The following PTPRD variants were observed in gnomAD, a reference collection of about 807,000 sequenced individuals.
PTPRD encodes receptor-type tyrosine-protein phosphatase delta.
In PTPRD, 34 loss-of-function variants were observed where a neutral mutation model predicts 214.5. The observed-to-expected ratio is 0.16, with a 90% CI of 0.12 to 0.21. The LOEUF (loss-of-function observed/expected upper bound fraction) is 0.21, where lower values mean the gene tolerates loss of function less well. Among genes scored for constraint, PTPRD ranks in the 10% least tolerant of loss-of-function variants. The pLI is 1.00. For missense variants in PTPRD, 2,545 were observed against 2,398.7 expected (o/e 1.06, Z -1.27); for synonymous variants, 1,128 against 845.7 (o/e 1.33, Z -5.79).
chr9:8,885,268 G>A (rs889392310), intron 11 of PTPRD, among the ~76,000 whole-genome samples: 2 of 152,070 alleles, frequency 1.3e-5, no homozygotes, highest in African/African-American at 4.8e-5. Flanking sequence ...TATAGATGAG[G>A]ATTAGGGTGA....
At chr9:9,404,457 GA>G (rs1025936905) in intron 8 of PTPRD, among the ~76,000 whole-genome samples, 4 of 151,772 alleles carry the variant, frequency 2.6e-5, no homozygotes, top group Admixed American at 1.3e-4. Flanking sequence ...AGTAATGAGT[GA>G]AAAAAAGATA....
intron 7 of PTPRD, among the ~76,000 whole-genome samples, chr9:9,711,944 G>T (rs376392597): frequency 6.4e-4 from 97 of 152,236 alleles, no homozygotes; most frequent in African/African-American, 2.2e-3. Context: ...TAAGCCAACA[G>T]CATCTCCCTG....
At chr9:8,838,331 G>GAA (rs112647473) in intron 11 of PTPRD, among the ~76,000 whole-genome samples, 12 of 150,890 alleles carry the variant, frequency 8.0e-5, no homozygotes, top group East Asian at 3.9e-4. Context: ...GACAAATTTG[G>GAA]AAAAAAAAAT....
chr9:10,536,360 T>C (rs1284861096), intron 2 of PTPRD, among the ~76,000 whole-genome samples: 1 of 152,142 alleles, frequency 6.6e-6, no homozygotes, highest in Non-Finnish European at 1.5e-5. Context: ...GCCTTAAAGC[T>C]TTTCTCCTTG....
chr9:9,135,637 A>G (rs2099849677), intron 10 of PTPRD, among the ~76,000 whole-genome samples: 2 of 152,214 alleles, frequency 1.3e-5, no homozygotes, highest in Non-Finnish European at 2.9e-5. Flanking sequence ...TACTAAGGAA[A>G]TGCTTAGTAA....
chr9:9,738,246 GT>G (rs2098335355), intron 6 of PTPRD, among the ~76,000 whole-genome samples: 1 of 151,930 alleles, frequency 6.6e-6, no homozygotes, highest in South Asian at 2.1e-4. Flanking sequence ...AAAACTTAAA[GT>G]ATGATAAAAA....
intron 8 of PTPRD, among the ~76,000 whole-genome samples, chr9:9,445,524 G>C (rs190791726): frequency 6.2e-4 from 94 of 152,192 alleles, no homozygotes; most frequent in Admixed American, 3.2e-3. Context: ...TGCATGGCTG[G>C]GAAGACCTCA....
chr9:10,236,928 G>C (rs1032431851), intron 3 of PTPRD, among the ~76,000 whole-genome samples: 1 of 151,646 alleles, frequency 6.6e-6, no homozygotes, highest in Non-Finnish European at 1.5e-5. Flanking sequence ...ATTCTTTGGT[G>C]GGGGGGCTGA....
Position 8,332,497 on chromosome 9 carries a change from A to C in PTPRD, c.5380-761T>G, listed in dbSNP as rs763991956. Among the ~76,000 whole-genome samples, 18 of 152,164 alleles carry C rather than the reference A, an allele frequency of 1.2e-4. 1 individual carries two copies. Among genetic ancestry groups the C allele is most frequent in the Non-Finnish European group, 1.5e-5 (1 of 68,038 alleles). On this transcript the variant is annotated intron_variant, in intron 43 of 45. Coordinates refer to ENST00000381196, the MANE Select transcript of PTPRD (RefSeq NM_002839.4). ...AGAGCTCTCCCTGGCTGACCACAGG[A>C]ATTAACAGTCTGTGGAGAGCTTTAA...
intron 35 of PTPRD, among the ~76,000 whole-genome samples, chr9:8,414,674 G>A (rs1054699474): frequency 4.6e-5 from 7 of 151,902 alleles, no homozygotes; most frequent in African/African-American, 1.4e-4. Context: ...CTGTCCCAGC[G>A]TAGTTATTAA....
At chr9:10,595,886 G>C (rs2076523278) in intron 2 of PTPRD, among the ~76,000 whole-genome samples, 1 of 151,712 alleles carries the variant, frequency 6.6e-6, no homozygotes, top group East Asian at 1.9e-4. Flanking sequence ...CAATAAGATT[G>C]TCAAGTGTAT....
intron 2 of PTPRD, among the ~76,000 whole-genome samples, chr9:10,379,110 T>C (rs575757261): frequency 6.6e-6 from 1 of 152,094 alleles, no homozygotes; most frequent in East Asian, 1.9e-4. Flanking sequence ...AATTTCTTTT[T>C]TCAGATCAGT....
chr9:9,124,019 G>A (rs74356908), intron 10 of PTPRD, among the ~76,000 whole-genome samples: 1,521 of 152,090 alleles, frequency 0.01, 15 homozygotes, highest in Middle Eastern at 0.044. Context: ...GGTGGGGGAG[G>A]GAGGTTAAGT....
chr9:10,385,962 T>C (rs2097906790), intron 2 of PTPRD, among the ~76,000 whole-genome samples: 1 of 151,904 alleles, frequency 6.6e-6, no homozygotes, highest in African/African-American at 2.4e-5. Flanking sequence ...TAAAACAGCA[T>C]CTTTTGAACA....
chr9:8,561,003 A>G (rs1319952969), intron 14 of PTPRD, among the ~76,000 whole-genome samples: 1 of 152,010 alleles, frequency 6.6e-6, no homozygotes, highest in Non-Finnish European at 1.5e-5. Flanking sequence ...CAGATGGGGC[A>G]GGATCCCCTT....
At chr9:9,673,959 T>C (rs892976422) in intron 7 of PTPRD, among the ~76,000 whole-genome samples, 2 of 151,772 alleles carry the variant, frequency 1.3e-5, no homozygotes, top group Non-Finnish European at 3.0e-5. Flanking sequence ...AGAAAAATGA[T>C]GAAATAATGA....
At chr9:8,953,619 A>C (rs930202762) in intron 11 of PTPRD, among the ~76,000 whole-genome samples, 1 of 152,034 alleles carries the variant, frequency 6.6e-6, no homozygotes, top group African/African-American at 2.4e-5. Flanking sequence ...TCTAATATCC[A>C]GAATGTATAA....
intron 3 of PTPRD, among the ~76,000 whole-genome samples, chr9:10,199,369 T>C (rs973360190): frequency 1.3e-5 from 2 of 152,088 alleles, no homozygotes; most frequent in Non-Finnish European, 2.9e-5. Context: ...GAGAAACTTG[T>C]CCACAATCAG....
At chr9:10,023,638 A>G (rs564541723) in intron 4 of PTPRD, among the ~76,000 whole-genome samples, 136 of 149,734 alleles carry the variant, frequency 9.1e-4, no homozygotes, top group African/African-American at 3.3e-3. Flanking sequence ...TTTTTCTAAT[A>G]AAGTGTGAGA....
Sources: allele counts gnomAD v4.1 joint callset (sites outside exome capture counted in the v4.1 genomes callset), GRCh38; gene constraint gnomAD v4.1.1; transcripts MANE v1.5; gene names NCBI Gene and HGNC (gene_info 2026-07-23, HGNC 2026-07-21).